The following ATG7 variants were observed in gnomAD, a reference collection of about 807,000 sequenced individuals.
The protein encoded by ATG7 is ubiquitin-like modifier-activating enzyme ATG7.
In ATG7, 70 loss-of-function variants were observed where a neutral mutation model predicts 82.4. That is an observed-to-expected ratio of 0.85 (90% confidence interval 0.70 to 1.04). The LOEUF (loss-of-function observed/expected upper bound fraction) is 1.04. ATG7 is among the 50% of genes least tolerant of loss of function. ATG7 has a pLI of 0.00. For missense variants in ATG7, 792 were observed against 864.3 expected (o/e 0.92, Z 1.05); for synonymous variants, 287 against 313.0 (o/e 0.92, Z 0.88).
rs185288163 is a variant in ATG7 at position 11,277,440 on chromosome 3, A to G, written c.-365-3554A>G. 3.7e-3 allele frequency: 562 copies of G among 152,464 alleles called. 4 individuals are homozygous for G. The Middle Eastern group carries it at 0.041, about 11-fold the overall frequency. The allele number at this position is 152,464 out of a possible 1,614,324, so 9.4% of individuals were successfully genotyped here. A position where few individuals can be genotyped will look rare whatever the true frequency, so the allele number is the denominator to read the frequency against. ...TCAAGGTATGTTCTTTCTATTTTCC[A>G]TAAGTGTCAGCTGGCTGAGAAATAA... On this transcript the variant is annotated intron_variant, in intron 1 of 20. Transcript: ENST00000693202.
At chr3:11,478,525 T>C (rs2088531253) in intron 20 of ATG7, among the ~76,000 whole-genome samples, 1 of 152,164 alleles carries the variant, frequency 6.6e-6, no homozygotes, top group Non-Finnish European at 1.5e-5. Flanking sequence ...AGAGAGCACG[T>C]TTTTAGCCAC....
chr3:11,338,215 T>G (rs1952858617), intron 11 of ATG7, among the ~76,000 whole-genome samples: 1 of 152,216 alleles, frequency 6.6e-6, no homozygotes, highest in African/African-American at 2.4e-5. Flanking sequence ...GTATTTGGTT[T>G]TCTGTTCCTG....
At chr3:11,300,009 C>G (rs1233977224) in intron 5 of ATG7, among the ~76,000 whole-genome samples, 1 of 151,852 alleles carries the variant, frequency 6.6e-6, no homozygotes, top group Non-Finnish European at 1.5e-5. Context: ...ACTGCAACCT[C>G]TTCCTCCTGA....
At chr3:11,537,238 C>A (rs1331284718) in intron 20 of ATG7, among the ~76,000 whole-genome samples, 14 of 152,206 alleles carry the variant, frequency 9.2e-5, no homozygotes, top group Non-Finnish European at 1.9e-4. Flanking sequence ...CAAGTGTTGG[C>A]TCCACTGAGA....
intron 20 of ATG7, among the ~76,000 whole-genome samples, chr3:11,431,785 C>A (rs995344976): frequency 5.3e-5 from 8 of 152,154 alleles, no homozygotes; most frequent in Non-Finnish European, 1.0e-4. Flanking sequence ...GGTCTGTCTC[C>A]CTAAATATAG....
At chr3:11,488,219 A>C (rs1302533897) in intron 20 of ATG7, 31 of 187,728 alleles carry the variant, frequency 1.7e-4, no homozygotes, top group African/African-American at 1.0e-3. Flanking sequence ...CCAGGCAGAG[A>C]CACTCCTCAC....
At chr3:11,280,684 G>A (rs1942890148) in intron 1 of ATG7, among the ~76,000 whole-genome samples, 1 of 152,100 alleles carries the variant, frequency 6.6e-6, no homozygotes. Flanking sequence ...TCATGAAATT[G>A]ATAAGCAAAT....
Position 11,408,979 on chromosome 3 carries a change from A to G in ATG7, c.1957-17825A>G, listed in dbSNP as rs372380466. ...AGGTATCTGTTAAGATCTTTGGCTC[A>G]TTTTTTAATTGGGTTGTTTGTATTT... On this transcript the variant is annotated intron_variant, in intron 19 of 20. Transcript: ENST00000693202. Among the ~76,000 whole-genome samples the G allele has an allele frequency of 7.8e-4, 119 of 152,244 alleles. 1 individual carries two copies. The highest frequency in any genetic ancestry group is 2.8e-3 in the African/African-American group (118 of 41,530).
chr3:11,331,131 A>G (rs1951583625), intron 9 of ATG7, among the ~76,000 whole-genome samples: 3 of 152,296 alleles, frequency 2.0e-5, no homozygotes, highest in Non-Finnish European at 2.9e-5. Flanking sequence ...GGGTGCAGAC[A>G]AGAATTTGAT....
At chr3:11,398,345 C>A (rs1199431366) in intron 19 of ATG7, among the ~76,000 whole-genome samples, 1 of 152,036 alleles carries the variant, frequency 6.6e-6, no homozygotes, top group Non-Finnish European at 1.5e-5. Context: ...CAAGTTTCAA[C>A]GAATTTCAGA....
chr3:11,384,044 G>A (rs897602585), intron 19 of ATG7, among the ~76,000 whole-genome samples: 29 of 152,154 alleles, frequency 1.9e-4, no homozygotes, highest in African/African-American at 7.0e-4. Context: ...TCAATTCTGG[G>A]GGAAGGGGAA....
rs765440690 is a variant in ATG7 at position 11,340,639 on chromosome 3, C to T, written c.890-6C>T. The T allele has an allele frequency of 3.2e-5, 52 of 1,611,452 alleles. No individual in the cohort carries two copies. The highest frequency in any genetic ancestry group is 2.3e-5 in the Non-Finnish European group (27 of 1,178,316). On this transcript the variant is annotated splice_polypyrimidine_tract_variant and splice_region_variant and intron_variant, in intron 11 of 20. Coordinates refer to ENST00000693202, the MANE Select transcript of ATG7 (RefSeq NM_001349232.2). ...TCATTAAACTTTGTGTTTTATTTGC[C>T]TTAAGATTGTCCTAAAGCAGTTGGA...
At chr3:11,517,233 G>C (rs1165770930) in intron 20 of ATG7, among the ~76,000 whole-genome samples, 1 of 151,364 alleles carries the variant, frequency 6.6e-6, no homozygotes, top group African/African-American at 2.4e-5. Flanking sequence ...CCCAGCTACT[G>C]GGGAGGCTGA....
chr3:11,534,399 G>C (rs1213843257), intron 20 of ATG7, among the ~76,000 whole-genome samples: 1 of 152,230 alleles, frequency 6.6e-6, no homozygotes, highest in African/African-American at 2.4e-5. Context: ...TGTTGGTCTT[G>C]GAACAGAGGC....
chr3:11,304,354 A>T (rs1035570640), intron 5 of ATG7: 3 of 152,270 alleles, frequency 2.0e-5, no homozygotes, highest in Non-Finnish European at 4.4e-5. Context: ...TCAAAATCAC[A>T]TGTGGTGTGG....
At chr3:11,398,084 C>CA (rs201772380) in intron 19 of ATG7, among the ~76,000 whole-genome samples, 11,784 of 106,978 alleles carry the variant, frequency 0.11, 1,469 homozygotes, top group African/African-American at 0.32. Context: ...ACTCTGTCTC[C>CA]AAAAAAAAAA....
chr3:11,569,631 G>A, the ATG7 span, among the ~76,000 whole-genome samples: 24 of 152,184 alleles, frequency 1.6e-4, no homozygotes, highest in Admixed American at 1.5e-3. Flanking sequence ...CAGCCCTTTC[G>A]TCCTCTCTCT....
rs749028993 is a variant in ATG7, at chr3:11,342,266, C to T, written c.1112C>T (p.Ala371Val). Reference protein sequence around the residue: ...LGAGTLGCNVARTLMGWGVRH... With the variant: ...LGAGTLGCNVVRTLMGWGVRH... ...GCCGGCACCTTGGGTTGCAATGTAG[C>T]TAGGACGTTGATGGTAAGTCGGAGG... Residue 371 changes from alanine (A) to valine (V), a missense_variant, in exon 13 of 21, where the codon GCT becomes GTT. Physicochemically the swap from Ala to Val is moderately conservative, Grantham distance 64. Coordinates refer to ENST00000693202, the MANE Select transcript of ATG7 (RefSeq NM_001349232.2). 3.7e-6 allele frequency: 6 copies of T among 1,612,748 alleles called. No individual in the cohort carries two copies. The East Asian group carries it at 8.9e-5, about 24-fold the overall frequency.
intron 14 of ATG7, among the ~76,000 whole-genome samples, chr3:11,355,740 A>G (rs1393927549): frequency 1.3e-5 from 2 of 152,234 alleles, no homozygotes; most frequent in Admixed American, 1.3e-4. Flanking sequence ...TGGAGCAACC[A>G]AAACACTTAT....
Sources: gnomAD v4.1 joint callset for allele counts (sites outside exome capture counted in the v4.1 genomes callset) on GRCh38, gnomAD v4.1.1 for gene constraint, MANE v1.5 for transcripts, NCBI Gene and HGNC (gene_info 2026-07-23, HGNC 2026-07-21) for gene names.